The following GRID2 variants were observed in gnomAD, a reference collection of about 807,000 sequenced individuals.
GRID2 encodes the protein glutamate ionotropic receptor delta type subunit 2.
In GRID2, 33 loss-of-function variants were observed where a neutral mutation model predicts 114.8. That is an observed-to-expected ratio of 0.29 (90% CI 0.22 to 0.38). GRID2 has a LOEUF of 0.38. Among genes scored for constraint, GRID2 ranks in the 10% least tolerant of loss-of-function variants. The pLI is 1.00. For synonymous variants in GRID2, 505 were observed against 449.9 expected (o/e 1.12, Z -1.55); for missense variants, 1,184 against 1,257.7 (o/e 0.94, Z 0.89).
chr4:92,762,872 T>C (rs925581972), intron 2 of GRID2, among the ~76,000 whole-genome samples: 1 of 152,232 alleles, frequency 6.6e-6, no homozygotes, highest in Non-Finnish European at 1.5e-5. Flanking sequence ...GCTACTCTTC[T>C]CTGTTTTCTC....
intron 4 of GRID2, among the ~76,000 whole-genome samples, chr4:93,119,901 G>GT (rs1390832093): frequency 1.3e-5 from 2 of 151,106 alleles, no homozygotes; most frequent in Non-Finnish European, 2.9e-5. Context: ...TGATGGGGTT[G>GT]TTTTTTTCTT....
chr4:92,997,887 C>A (rs1323015111), intron 2 of GRID2, among the ~76,000 whole-genome samples: 2 of 151,888 alleles, frequency 1.3e-5, no homozygotes, highest in Non-Finnish European at 2.9e-5. Flanking sequence ...ATTAAAAGAA[C>A]AGCAAAACAT....
rs141619948 is a variant in GRID2, at chr4:93,562,144, A to T, written c.2193+46733A>T. On this transcript the variant is annotated intron_variant, in intron 13 of 15. Coordinates refer to ENST00000282020, the MANE Select transcript of GRID2 (RefSeq NM_001510.4). Reference sequence around the variant, plus strand: ...GTACTATTTTGCATTTCCACCAGCCATGAATGAGTGTCTAGTGCTTTAAAT... The same window carrying T: ...GTACTATTTTGCATTTCCACCAGCCTTGAATGAGTGTCTAGTGCTTTAAAT... Among the ~76,000 whole-genome samples the T allele has an allele frequency of 5.5e-4, 83 of 152,200 alleles. 1 individual carries two copies. The highest frequency in any genetic ancestry group is 4.6e-3 in the South Asian group (22 of 4,832).
chr4:93,612,205 C>A (rs1173066614), intron 13 of GRID2, among the ~76,000 whole-genome samples: 2 of 149,810 alleles, frequency 1.3e-5, no homozygotes, highest in African/African-American at 2.5e-5. Context: ...CTATGTGTGT[C>A]TCTGCACGTG....
At chr4:93,730,702 C>T (rs144867489) in intron 14 of GRID2, among the ~76,000 whole-genome samples, 32 of 152,236 alleles carry the variant, frequency 2.1e-4, no homozygotes, top group African/African-American at 4.1e-4. Context: ...AAGAAAACAA[C>T]GGAAAAGAGC....
At chr4:92,680,972 A>C (rs772282591) in intron 2 of GRID2, among the ~76,000 whole-genome samples, 2 of 152,210 alleles carry the variant, frequency 1.3e-5, no homozygotes, top group Admixed American at 6.5e-5. Flanking sequence ...TATAGAAAGA[A>C]AAAGAAGATT....
chr4:92,818,652 T>G (rs1205875319), intron 2 of GRID2, among the ~76,000 whole-genome samples: 1 of 152,156 alleles, frequency 6.6e-6, no homozygotes, highest in South Asian at 2.1e-4. Flanking sequence ...TTATATTAAC[T>G]TGATGAGTCG....
chr4:92,395,459 A>C (rs183620502), intron 1 of GRID2, among the ~76,000 whole-genome samples: 2 of 151,938 alleles, frequency 1.3e-5, no homozygotes, highest in Admixed American at 1.3e-4. Context: ...ATATCTATTA[A>C]AATATTTTCA....
At chr4:93,579,550 C>T (rs1227769389) in intron 13 of GRID2, among the ~76,000 whole-genome samples, 1 of 152,084 alleles carries the variant, frequency 6.6e-6, no homozygotes. Context: ...ATACTTAAGG[C>T]TATTCCATCG....
At chr4:92,501,760 A>G (rs1282926855) in intron 1 of GRID2, among the ~76,000 whole-genome samples, 1 of 152,174 alleles carries the variant, frequency 6.6e-6, no homozygotes, top group African/African-American at 2.4e-5. Context: ...TTATGGATCT[A>G]TACTGTCAGT....
chr4:93,146,206 GTAAT>G (rs1736210714), intron 4 of GRID2, among the ~76,000 whole-genome samples: 1 of 152,130 alleles, frequency 6.6e-6, no homozygotes, highest in South Asian at 2.1e-4. Flanking sequence ...TTATATTCTT[GTAAT>G]TAATTGCAGA....
chr4:93,303,721 G>A (rs1755115041), intron 8 of GRID2, among the ~76,000 whole-genome samples: 1 of 151,796 alleles, frequency 6.6e-6, no homozygotes, highest in African/African-American at 2.4e-5. Context: ...CCATCTATCT[G>A]GTTAGCCAGC....
intron 2 of GRID2, among the ~76,000 whole-genome samples, chr4:92,917,471 G>C (rs183126994): frequency 6.6e-6 from 1 of 151,996 alleles, no homozygotes; most frequent in African/African-American, 2.4e-5. Flanking sequence ...ATAGGTTTTC[G>C]TCTAGGGTTT....
At chr4:93,701,463 A>G (rs1261812857) in intron 14 of GRID2, among the ~76,000 whole-genome samples, 1 of 152,174 alleles carries the variant, frequency 6.6e-6, no homozygotes, top group Non-Finnish European at 1.5e-5. Context: ...AAATTAGTAT[A>G]TCCTAGGGAG....
At chr4:92,474,981 A>AG (rs1722226100) in intron 1 of GRID2, among the ~76,000 whole-genome samples, 2 of 39,672 alleles carry the variant, frequency 5.0e-5, no homozygotes, top group Non-Finnish European at 9.5e-5. Flanking sequence ...GGGGGGGTGG[A>AG]GGGGGGAGGG....
chr4:92,596,313 T>G (rs1728951731), intron 2 of GRID2, among the ~76,000 whole-genome samples: 1 of 152,090 alleles, frequency 6.6e-6, no homozygotes, highest in Non-Finnish European at 1.5e-5. Context: ...AAGTCAAGGT[T>G]GTGCCTTGAG....
chr4:92,877,482 G>A (rs1745715914), intron 2 of GRID2, among the ~76,000 whole-genome samples: 1 of 152,148 alleles, frequency 6.6e-6, no homozygotes, highest in Non-Finnish European at 1.5e-5. Context: ...TGAGTAATGA[G>A]GATGAGCGAG....
At chr4:93,537,288 G>C (rs1732188823) in intron 13 of GRID2, among the ~76,000 whole-genome samples, 1 of 151,524 alleles carries the variant, frequency 6.6e-6, no homozygotes, top group South Asian at 2.1e-4. Context: ...CCTTCTTTTA[G>C]TGTTTACATA....
At chr4:92,893,471 G>A (rs151100455) in intron 2 of GRID2, among the ~76,000 whole-genome samples, 2 of 152,244 alleles carry the variant, frequency 1.3e-5, no homozygotes, top group Admixed American at 1.3e-4. Flanking sequence ...CTAGTTATCA[G>A]ACATTAGGCA....
Sources: allele counts gnomAD v4.1 joint callset (sites outside exome capture counted in the v4.1 genomes callset), GRCh38; gene constraint gnomAD v4.1.1; transcripts MANE v1.5; gene names NCBI Gene and HGNC (gene_info 2026-07-23, HGNC 2026-07-21).